The following VTI1A variants were observed in gnomAD, a reference collection of about 807,000 sequenced individuals.
VTI1A encodes the protein vesicle transport through interaction with t-SNAREs homolog 1A.
A neutral mutation model predicts 34.9 loss-of-function variants in VTI1A; 22 were observed. The observed-to-expected ratio is 0.63, with a 90% CI of 0.45 to 0.90. The LOEUF (loss-of-function observed/expected upper bound fraction) is 0.90, where lower values mean the gene tolerates loss of function less well. Among genes scored for constraint, VTI1A ranks in the 40% least tolerant of loss-of-function variants. The pLI, the probability that VTI1A is intolerant of heterozygous loss-of-function variation, is 0.00. For missense variants in VTI1A, 268 were observed against 275.6 expected (o/e 0.97, Z 0.20); for synonymous variants, 87 against 97.3 (o/e 0.89, Z 0.62).
chr10:112,763,872 A>G (rs1033702866), intron 7 of VTI1A, among the ~76,000 whole-genome samples: 5 of 152,128 alleles, frequency 3.3e-5, no homozygotes, highest in African/African-American at 1.2e-4. Flanking sequence ...CTGGGTGCCA[A>G]TCAGACACTG....
intron 7 of VTI1A, among the ~76,000 whole-genome samples, chr10:112,673,460 G>A (rs1002578850): frequency 3.3e-5 from 2 of 61,056 alleles, no homozygotes; most frequent in Admixed American, 2.2e-4. Flanking sequence ...ACATGCGCGC[G>A]TGCGCGCGCA....
At chr10:112,522,684 GATGGTTTCCTCTCCT>G (rs1210363575) in intron 3 of VTI1A, among the ~76,000 whole-genome samples, 2 of 152,108 alleles carry the variant, frequency 1.3e-5, no homozygotes, top group Non-Finnish European at 2.9e-5. Context: ...TGCCTTTTGA[GATGGTTTCCTCTCCT>G]ATGCCTTGTG....
At chr10:112,607,967 A>G (rs893241265) in intron 5 of VTI1A, among the ~76,000 whole-genome samples, 6 of 152,174 alleles carry the variant, frequency 3.9e-5, no homozygotes, top group African/African-American at 1.2e-4. Context: ...AGCATCTTTT[A>G]TAACCTAACC....
the VTI1A span, among the ~76,000 whole-genome samples, chr10:112,849,585 G>T: frequency 2.0e-5 from 3 of 152,174 alleles, no homozygotes; most frequent in African/African-American, 7.2e-5. Context: ...ATTGGAGGGG[G>T]CAGCCCTGAG....
chr10:112,593,502 C>T (rs1267680176), intron 5 of VTI1A, among the ~76,000 whole-genome samples: 3 of 152,124 alleles, frequency 2.0e-5, no homozygotes, highest in African/African-American at 7.2e-5. Context: ...CCTCTTTTTT[C>T]CCATCTCATA....
At chr10:112,531,495 A>C (rs1850440559) in intron 4 of VTI1A, among the ~76,000 whole-genome samples, 2 of 151,972 alleles carry the variant, frequency 1.3e-5, no homozygotes, top group Non-Finnish European at 2.9e-5. Flanking sequence ...AAAAAAAAAA[A>C]AGAAAAAAGA....
intron 5 of VTI1A, among the ~76,000 whole-genome samples, chr10:112,617,932 A>T (rs1335757201): frequency 1.3e-5 from 2 of 152,148 alleles, no homozygotes; most frequent in African/African-American, 4.8e-5. Context: ...AGGTGGCTGG[A>T]TTACCGAGGT....
chr10:112,666,231 G>T (rs967350401), intron 5 of VTI1A, among the ~76,000 whole-genome samples: 5 of 152,158 alleles, frequency 3.3e-5, no homozygotes, highest in African/African-American at 1.2e-4. Context: ...ATTGTATGGG[G>T]TTAATAATAA....
chr10:112,544,926 G>C (rs1327177845), intron 5 of VTI1A, among the ~76,000 whole-genome samples: 1 of 152,198 alleles, frequency 6.6e-6, no homozygotes, highest in Non-Finnish European at 1.5e-5. Context: ...GACATGGAAG[G>C]GGTCTGGATT....
downstream of VTI1A, among the ~76,000 whole-genome samples, chr10:112,820,199 G>A (rs563285029): frequency 1.3e-5 from 2 of 152,344 alleles, no homozygotes; most frequent in South Asian, 4.1e-4. Flanking sequence ...TTAGCCACAT[G>A]ACAATCTGTC....
chr10:112,760,654 G>C (rs1851430287), intron 7 of VTI1A, among the ~76,000 whole-genome samples: 1 of 152,152 alleles, frequency 6.6e-6, no homozygotes, highest in Non-Finnish European at 1.5e-5. Context: ...ATTTTGGGAG[G>C]CCAAGGCGGG....
chr10:112,737,134 A>T, intron 7 of VTI1A: 1 of 277,794 alleles, frequency 3.6e-6, no homozygotes, highest in Non-Finnish European at 6.6e-6. Context: ...GGAGTGGCAC[A>T]ATCTTGGCTC....
At chr10:112,655,003 G>A (rs578017666) in intron 5 of VTI1A, among the ~76,000 whole-genome samples, 91 of 152,266 alleles carry the variant, frequency 6.0e-4, no homozygotes, top group African/African-American at 1.5e-3. Flanking sequence ...CAGGCCACAG[G>A]CTGGATTTGG....
At chr10:112,518,455 C>A (rs1014719155) in intron 3 of VTI1A, among the ~76,000 whole-genome samples, 4 of 151,260 alleles carry the variant, frequency 2.6e-5, no homozygotes, top group Admixed American at 6.6e-5. Flanking sequence ...ATACCTGTAA[C>A]CCCAGCACTT....
At chr10:112,823,142 C>G (rs1470037419), downstream of VTI1A, among the ~76,000 whole-genome samples, 2 of 152,314 alleles carry the variant, frequency 1.3e-5, no homozygotes, top group African/African-American at 4.8e-5. Context: ...TTCCTCCTTG[C>G]AATCCCCATG....
intron 7 of VTI1A, among the ~76,000 whole-genome samples, chr10:112,789,399 G>A (rs530191231): frequency 6.6e-6 from 1 of 152,154 alleles, no homozygotes; most frequent in Non-Finnish European, 1.5e-5. Context: ...TGTTTCTGAT[G>A]AGAAGTCAGC....
At chr10:112,534,159 T>C (rs1189709619) in intron 4 of VTI1A, among the ~76,000 whole-genome samples, 1 of 152,168 alleles carries the variant, frequency 6.6e-6, no homozygotes, top group Non-Finnish European at 1.5e-5. Context: ...GTTCTCATTT[T>C]TCTGAGTTTG....
At chr10:112,758,941 A>T (rs1441972403) in intron 7 of VTI1A, among the ~76,000 whole-genome samples, 1 of 152,200 alleles carries the variant, frequency 6.6e-6, no homozygotes, top group Non-Finnish European at 1.5e-5. Flanking sequence ...CCTGCTGCTC[A>T]TGCTTTAAAG....
In VTI1A at chr10:112,609,802, G is replaced by T. The variant is rs188743636; in HGVS notation, c.428-58416G>T. 7.2e-5 allele frequency among the ~76,000 whole-genome samples: 11 copies of T among 152,188 alleles called. No individual in the cohort carries two copies. In the East Asian group the frequency reaches 2.1e-3, roughly 29 times the overall value. On this transcript the variant is annotated intron_variant, in intron 5 of 7. Coordinates refer to ENST00000393077, the MANE Select transcript of VTI1A (RefSeq NM_145206.4). ...GGTTTTGTTTGCCAGATTCAGTGGT[G>T]CCTCATGGAGCAGCGGTCCCAAATC...
Sources: gnomAD v4.1 joint callset for allele counts (sites outside exome capture counted in the v4.1 genomes callset) on GRCh38, gnomAD v4.1.1 for gene constraint, MANE v1.5 for transcripts, NCBI Gene and HGNC (gene_info 2026-07-23, HGNC 2026-07-21) for gene names.